Variants in LZTFL1 observed in about 807,000 individuals in gnomAD.
The protein encoded by LZTFL1 is leucine zipper transcription factor-like protein 1.
In LZTFL1, 25 loss-of-function variants were observed where a neutral mutation model predicts 45.9. The ratio of observed to expected loss-of-function variants is 0.54; its 90% CI spans 0.40 to 0.76. The LOEUF (loss-of-function observed/expected upper bound fraction) is 0.76, where lower values mean the gene tolerates loss of function less well. Among genes scored for constraint, LZTFL1 ranks in the 30% least tolerant of loss-of-function variants. The pLI, the probability that LZTFL1 is intolerant of heterozygous loss-of-function variation, is 0.00. For synonymous variants in LZTFL1, 93 were observed against 117.4 expected (o/e 0.79, Z 1.35); for missense variants, 277 against 331.1 (o/e 0.84, Z 1.27).
chr3:45,913,797 C>T (rs775513647), intron 1 of LZTFL1, among the ~76,000 whole-genome samples: 16 of 152,174 alleles, frequency 1.1e-4, no homozygotes, highest in Admixed American at 5.2e-4. Flanking sequence ...ACCTCCCCAA[C>T]GCATACCCCC....
At chr3:45,881,343 T>C (rs1026628600) in intron 2 of LZTFL1, among the ~76,000 whole-genome samples, 6 of 152,184 alleles carry the variant, frequency 3.9e-5, no homozygotes, top group Non-Finnish European at 7.3e-5. Flanking sequence ...ACACACTTGC[T>C]CAGTTAAAGA....
chr3:45,914,558 GC>G (rs2125776885), intron 1 of LZTFL1, among the ~76,000 whole-genome samples: 1 of 152,268 alleles, frequency 6.6e-6, no homozygotes, highest in South Asian at 2.1e-4. Context: ...ATAGGCATGA[GC>G]CACCACACCT....
At chr3:45,873,970 C>G (rs367618627) in intron 2 of LZTFL1, among the ~76,000 whole-genome samples, 1 of 152,188 alleles carries the variant, frequency 6.6e-6, no homozygotes, top group East Asian at 1.9e-4. Flanking sequence ...GTTTATTCCT[C>G]CATCACATGT....
intron 2 of LZTFL1, among the ~76,000 whole-genome samples, chr3:45,869,537 A>G (rs988701762): frequency 2.0e-5 from 3 of 152,106 alleles, no homozygotes; most frequent in Non-Finnish European, 2.9e-5. Flanking sequence ...ACACAGCTAT[A>G]AGAAGGAGCA....
At chr3:45,902,161 C>G (rs1702580599) in intron 2 of LZTFL1, 2 of 357,148 alleles carry the variant, frequency 5.6e-6, no homozygotes, top group Non-Finnish European at 1.1e-5. Flanking sequence ...TGTGGAGCAC[C>G]CTGGCTTTGC....
chr3:45,859,296 G>T (rs1195772121), intron 2 of LZTFL1, among the ~76,000 whole-genome samples: 1 of 152,202 alleles, frequency 6.6e-6, no homozygotes, highest in Non-Finnish European at 1.5e-5. Flanking sequence ...TGAGATAATA[G>T]CTCCCTGCAG....
intron 2 of LZTFL1, among the ~76,000 whole-genome samples, chr3:45,867,466 C>A (rs1342119712): frequency 6.6e-6 from 1 of 152,088 alleles, no homozygotes; most frequent in Non-Finnish European, 1.5e-5. Context: ...ATCCATCAAC[C>A]TTGCTTAAAG....
chr3:45,912,047 G>A (rs368000800), intron 2 of LZTFL1, among the ~76,000 whole-genome samples: 4 of 152,260 alleles, frequency 2.6e-5, no homozygotes, highest in East Asian at 3.8e-4. Context: ...TGTGTCCAGC[G>A]TCTTTGTCAG....
chr3:45,824,859 G>T lies in LZTFL1; in HGVS notation c.*1455C>A. The T allele has an allele frequency of 2.5e-6, 1 of 398,426 alleles. No individual in the cohort carries two copies. The highest frequency in any genetic ancestry group is 6.3e-4 in the Middle Eastern group (1 of 1,584). 24.7% of individuals were successfully genotyped at this position (398,426 alleles called of 1,614,324 possible). On this transcript the variant is annotated 3_prime_UTR_variant, in exon 10 of 10. Coordinates refer to ENST00000296135, the MANE Select transcript of LZTFL1 (RefSeq NM_020347.4). ...AAGCTCCAAAAGGGCACAGAAACTG[G>T]TAAGTGACCTAAATATGGAGAGACA...
intron 1 of LZTFL1, 112 bp downstream of exon 1, chr3:45,841,877 G>A: frequency 7.2e-7 from 1 of 1,393,490 alleles, no homozygotes; most frequent in Middle Eastern, 1.9e-4. Context: ...GCTGAGGTGC[G>A]GCCAGACCCA....
chr3:45,857,717 A>G (rs530252530), intron 3 of LZTFL1, among the ~76,000 whole-genome samples: 2 of 152,366 alleles, frequency 1.3e-5, no homozygotes, highest in East Asian at 3.9e-4. Flanking sequence ...TTTTAAAAGT[A>G]GATCTTATCC....
chr3:45,834,021 AT>A lies in LZTFL1; in HGVS notation c.384+216del, dbSNP rs796775750. ...GAGACTGAACTTAGGGATCATGTGT[AT>A]GTGTAAGCCATCACAGACAAAAGCA... On this transcript the variant is annotated intron_variant, in intron 4 of 9. Transcript: ENST00000296135. Among the ~76,000 whole-genome samples, 5 of 152,326 alleles carry A rather than the reference AT, an allele frequency of 3.3e-5. No homozygotes were observed. The South Asian group carries it at 8.3e-4, about 25-fold the overall frequency.
chr3:45,873,321 A>C (rs977602436), intron 2 of LZTFL1, among the ~76,000 whole-genome samples: 2 of 152,214 alleles, frequency 1.3e-5, no homozygotes, highest in African/African-American at 4.8e-5. Flanking sequence ...GGAGGTTTTA[A>C]ATAATTCTTT....
At chr3:45,844,457 A>G (rs1701187142), upstream of LZTFL1, among the ~76,000 whole-genome samples, 1 of 152,178 alleles carries the variant, frequency 6.6e-6, no homozygotes, top group African/African-American at 2.4e-5. Context: ...ATTAAGTAAA[A>G]AAAAAATAGG....
rs143154625 is a variant in LZTFL1, at chr3:45,907,044, G to A, written c.-215+6076C>T. ...AGATCTCCTCTGCAGCCAGTCAGAT[G>A]ATCTCAAGGGGCATGCAGACCTCTC... On this transcript the variant is annotated intron_variant, in intron 2 of 4. Coordinates refer to the LZTFL1 transcript ENST00000472635. 9.0e-4 allele frequency among the ~76,000 whole-genome samples: 137 copies of A among 152,338 alleles called. 1 individual carries two copies. Among genetic ancestry groups the A allele is most frequent in the African/African-American group, 3.2e-3 (135 of 41,580 alleles).
At chr3:45,864,610 T>G (rs1368364520) in intron 2 of LZTFL1, among the ~76,000 whole-genome samples, 2 of 152,180 alleles carry the variant, frequency 1.3e-5, no homozygotes, top group East Asian at 3.8e-4. Context: ...TTTTATGTAT[T>G]AATAAGTGTA....
At chr3:45,842,347 G>T (rs1201315953), upstream of LZTFL1, among the ~76,000 whole-genome samples, 1 of 152,244 alleles carries the variant, frequency 6.6e-6, no homozygotes, top group East Asian at 1.9e-4. Context: ...CCACCAACGC[G>T]CTTCGCGCCT....
upstream of LZTFL1, among the ~76,000 whole-genome samples, chr3:45,843,693 C>T (rs1466623985): frequency 2.6e-5 from 4 of 152,160 alleles, no homozygotes; most frequent in African/African-American, 9.7e-5. Flanking sequence ...ATCTTCTATA[C>T]CAAGGAGGTT....
chr3:45,840,665 C>A (rs79092949), intron 1 of LZTFL1, among the ~76,000 whole-genome samples: 1 of 152,288 alleles, frequency 6.6e-6, no homozygotes, highest in East Asian at 1.9e-4. Context: ...AGAAATCCTG[C>A]CAGAGCATTG....
Sources: allele counts gnomAD v4.1 joint callset (sites outside exome capture counted in the v4.1 genomes callset), GRCh38; gene constraint gnomAD v4.1.1; transcripts MANE v1.5; gene names NCBI Gene and HGNC (gene_info 2026-07-23, HGNC 2026-07-21).